The following CCDC88C variants were observed in gnomAD, a reference collection of about 807,000 sequenced individuals.
CCDC88C encodes protein Daple.
A neutral mutation model predicts 198.8 loss-of-function variants in CCDC88C; 131 were observed. That is an observed-to-expected ratio of 0.66 (90% CI 0.57 to 0.76). The LOEUF is 0.76. CCDC88C is among the 30% of genes least tolerant of loss of function. CCDC88C has a pLI of 0.00. For missense variants in CCDC88C, 2,553 were observed against 2,631.6 expected, an observed-to-expected ratio of 0.97 and a Z score of 0.65; for synonymous variants, 1,166 against 1,114.7, an observed-to-expected ratio of 1.05 and a Z score of -0.92.
chr14:91,281,670 C>A (rs989610433), intron 26 of CCDC88C, 145 bp from the exon 27 acceptor site: 1 of 689,320 alleles, frequency 1.5e-6, no homozygotes, highest in Admixed American at 2.1e-5. Context: ...CCTTTGGGAC[C>A]TGCCTCTCCT....
intron 3 of CCDC88C, among the ~76,000 whole-genome samples, chr14:91,369,884 C>T (rs943368747): frequency 3.3e-5 from 5 of 152,172 alleles, no homozygotes; most frequent in Admixed American, 6.5e-5. Context: ...CAAGGCCACC[C>T]GTGTCTCCGT....
rs1893348497 is a variant in CCDC88C at position 91,342,373 on chromosome 14, C to T, written c.483+7G>A. The stretch of plus-strand genomic sequence containing the variant: ...CAGCTGAGCCCACCACGAGGCCACG[C>T]ACCTACCTCCTGGATATGGGCCACG... On this transcript the variant is annotated splice_region_variant and intron_variant, in intron 6 of 29. Transcript: ENST00000389857. The T allele has an allele frequency of 1.9e-6, 3 of 1,573,206 alleles. No homozygotes were observed. Among genetic ancestry groups the T allele is most frequent in the South Asian group, 1.2e-5 (1 of 85,914 alleles).
In CCDC88C at chr14:91,289,123, T is replaced by C. The variant is rs758735271; in HGVS notation, c.4423A>G (p.Asn1475Asp). Residue 1475 changes from asparagine to aspartate, a missense_variant, in exon 25 of 30, where the codon AAC (asparagine) becomes GAC (aspartate). This residue lies in a region of CCDC88C where 1,293 missense variants were observed against 1,219.6 expected (regional missense o/e 1.06). Coordinates refer to ENST00000389857, the MANE Select transcript of CCDC88C (RefSeq NM_001080414.4). ...CCCCTACCTTTCCCCACAGACCCGT[T>C]GTGGGCGTCGCGCTCTTCTGCACAG... ...SNCAEERDAH[N>D]GSVGKGPGDL... 2 of 1,612,736 alleles carry C rather than the reference T, an allele frequency of 1.2e-6. No individual in the cohort carries two copies. Among genetic ancestry groups the C allele is most frequent in the Non-Finnish European group, 1.7e-6 (2 of 1,179,752 alleles).
chr14:91,312,363 G>C (rs1001077337), intron 15 of CCDC88C, among the ~76,000 whole-genome samples: 1 of 152,060 alleles, frequency 6.6e-6, no homozygotes, highest in Non-Finnish European at 1.5e-5. Context: ...ACTCCAGCCT[G>C]GGTGACAAAG....
Position 91,297,164 on chromosome 14 carries a change from G to A in CCDC88C, c.3966+141C>T, listed in dbSNP as rs1196559089. On this transcript the variant is annotated intron_variant, in intron 22 of 29. Coordinates refer to ENST00000389857, the MANE Select transcript of CCDC88C (RefSeq NM_001080414.4). ...CCCCGTCAGCACCTCTGGCTTCACC[G>A]CAGCCTCTGTGCCACCTCCACACAT... is the stretch of plus-strand genomic sequence containing the variant. The A allele has an allele frequency of 7.6e-5, 65 of 860,620 alleles. No homozygotes were observed. The South Asian group carries it at 1.1e-3, about 14-fold the overall frequency. The allele number at this position is 860,620 out of a possible 1,614,324, so 53.3% of individuals were successfully genotyped here.
intron 3 of CCDC88C, among the ~76,000 whole-genome samples, chr14:91,384,090 C>T (rs541569457): frequency 1.4e-4 from 22 of 152,152 alleles, no homozygotes; most frequent in East Asian, 1.4e-3. Flanking sequence ...CCAATTAGAC[C>T]GAGGTGCAAA....
chr14:91,308,257 A>G lies in CCDC88C; in HGVS notation c.3006+94T>C, dbSNP rs1891645533. The G allele has an allele frequency of 1.0e-5, 15 of 1,448,114 alleles. No homozygotes were observed. In the East Asian group the frequency reaches 2.6e-4, roughly 25 times the overall value. 89.7% of individuals were successfully genotyped at this position (1,448,114 alleles called of 1,614,324 possible). ...TCTACCCCTGCCCTAGAAAATGGGT[A>G]TCCAGGCCACCCCACTGCTATACAG... On this transcript the variant is annotated intron_variant, in intron 17 of 29. Coordinates refer to ENST00000389857, the MANE Select transcript of CCDC88C (RefSeq NM_001080414.4).
At chr14:91,337,637 G>A (rs1452598465) in intron 10 of CCDC88C, among the ~76,000 whole-genome samples, 2 of 152,254 alleles carry the variant, frequency 1.3e-5, no homozygotes, top group African/African-American at 2.4e-5. Flanking sequence ...CGCTGCACCC[G>A]GTTGCCCGTT....
intron 12 of CCDC88C, 95 bp from the exon 13 acceptor site, chr14:91,321,399 A>G: frequency 7.6e-7 from 1 of 1,308,378 alleles, no homozygotes; most frequent in Non-Finnish European, 1.1e-6. Context: ...CCCGGAGTCC[A>G]GGGTCTAAGG....
Position 91,273,161 on chromosome 14 carries a change from G to C in CCDC88C, c.5551C>G (p.Pro1851Ala). 1 of 1,580,926 alleles carries C rather than the reference G, an allele frequency of 6.3e-7. No homozygotes were observed. Among genetic ancestry groups the C allele is most frequent in the South Asian group, 1.2e-5 (1 of 86,610 alleles). ...GSHTLQSPAP[P>A]SSHSLARERT... ...TCCCGGGCCAGGCTATGGGAGCTGG[G>C]GGGTGCGGGGCTTTGCAGGGTGTGG... Residue 1851 changes from proline to alanine, a missense_variant, in exon 30 of 30, where the codon CCC (proline) becomes GCC (alanine). Coordinates refer to ENST00000389857, the MANE Select transcript of CCDC88C (RefSeq NM_001080414.4). The surrounding 1 kb of genome is among the most constrained non-coding windows in gnomAD (Gnocchi z 5.6).
intron 18 of CCDC88C, among the ~76,000 whole-genome samples, chr14:91,306,674 G>A (rs76996433): frequency 0.014 from 2,191 of 152,334 alleles, 34 homozygotes; most frequent in Middle Eastern, 0.027. Context: ...CATTGTCACT[G>A]TAGGGGAAGC....
chr14:91,281,393 G>C (rs1890191573), intron 27 of CCDC88C, 64 bp downstream of exon 27: 3 of 1,611,498 alleles, frequency 1.9e-6, no homozygotes, highest in Admixed American at 3.3e-5. Context: ...TTAAAGGAAA[G>C]GTACCGTGGA....
chr14:91,360,306 G>T (rs1300289219), intron 3 of CCDC88C, among the ~76,000 whole-genome samples: 2 of 142,678 alleles, frequency 1.4e-5, no homozygotes, highest in African/African-American at 5.1e-5. Flanking sequence ...AAATTAGCCA[G>T]GTATAGTGGT....
chr14:91,318,399 G>A (rs1479204623), intron 13 of CCDC88C, among the ~76,000 whole-genome samples: 1 of 152,190 alleles, frequency 6.6e-6, no homozygotes, highest in Non-Finnish European at 1.5e-5. Flanking sequence ...CTGGATGACA[G>A]AGCAAGACCC....
At position 91,325,563 on chromosome 14, in the gene CCDC88C, A is replaced by G. The variant is rs896405476; in HGVS notation, c.1197+347T>C. Among the ~76,000 whole-genome samples, 12 of 152,016 alleles carry G rather than the reference A, an allele frequency of 7.9e-5. No homozygotes were observed. The highest frequency in any genetic ancestry group is 5.9e-4 in the Admixed American group (9 of 15,242). On this transcript the variant is annotated intron_variant, in intron 11 of 29. Coordinates refer to ENST00000389857, the MANE Select transcript of CCDC88C (RefSeq NM_001080414.4). This position sits in a 1 kb window ranked among gnomAD's most constrained non-coding sequence, Gnocchi z 4.1. ...ACGCCATAAACCTGAACCTGCCCCA[A>G]TCGGTTTTCTTTTCTTTCTTTCTTT...
At chr14:91,312,741 T>C (rs1891890425) in intron 15 of CCDC88C, among the ~76,000 whole-genome samples, 1 of 152,166 alleles carries the variant, frequency 6.6e-6, no homozygotes, top group East Asian at 1.9e-4. Context: ...CATTGGGAAA[T>C]TGTGGCTTTG....
Position 91,297,388 on chromosome 14 carries a change from G to T in CCDC88C, c.3883C>A (p.Arg1295Ser). 2 of 1,613,242 alleles carry T rather than the reference G, an allele frequency of 1.2e-6. No homozygotes were observed. Among genetic ancestry groups the T allele is most frequent in the Non-Finnish European group, 1.7e-6 (2 of 1,179,614 alleles). Residue 1295 changes from arginine (R) to serine (S), a missense_variant, in exon 22 of 30, where the codon CGC becomes AGC. This residue lies in a region of CCDC88C where 1,293 missense variants were observed against 1,219.6 expected (regional missense o/e 1.06). Coordinates refer to ENST00000389857, the MANE Select transcript of CCDC88C (RefSeq NM_001080414.4). The stretch of plus-strand genomic sequence containing the variant: ...AGCTCGTCGAAGCGGGCCTGCCAGC[G>T]GTTGAGCTCCAGCTGCGCGTTGTTC... ...SLNNAQLELN[R>S]WQARFDELKE...
chr14:91,299,777 A>G (rs1013569417), intron 21 of CCDC88C, 150 bp downstream of exon 21: 6 of 1,077,884 alleles, frequency 5.6e-6, no homozygotes, highest in Non-Finnish European at 1.3e-6. Flanking sequence ...GTTGCCCTTT[A>G]GCTTATTTTA....
intron 4 of CCDC88C, among the ~76,000 whole-genome samples, chr14:91,345,190 A>ATATTTTTTT (rs1246878587): frequency 5.7e-5 from 3 of 52,206 alleles, no homozygotes; most frequent in East Asian, 5.6e-4. Context: ...ATATATATAT[A>ATATTTTTTT]TTTTTTTTTT....
Sources: gnomAD v4.1 joint callset for allele counts (sites outside exome capture counted in the v4.1 genomes callset) on GRCh38, gnomAD v4.1.1 for gene constraint, gnomAD v4.1.1 regional missense constraint, Gnocchi (gnomAD v3.1) non-coding constraint, MANE v1.5 for transcripts, NCBI Gene and HGNC (gene_info 2026-07-23, HGNC 2026-07-21) for gene names.